Variants in PPP1R9A observed in about 807,000 individuals in gnomAD.
PPP1R9A encodes the protein protein phosphatase 1 regulatory subunit 9A.
In PPP1R9A, 59 loss-of-function variants were observed where a neutral mutation model predicts 141.9. The observed-to-expected ratio is 0.42, with a 90% confidence interval of 0.34 to 0.52. The LOEUF is 0.52. Among genes scored for constraint, PPP1R9A ranks in the 20% least tolerant of loss-of-function variants. PPP1R9A has a pLI of 0.10. For missense variants in PPP1R9A, 1,444 were observed against 1,611.9 expected (o/e 0.90, Z 1.78); for synonymous variants, 500 against 569.7 (o/e 0.88, Z 1.74).
rs1390412478 is a variant in PPP1R9A, at chr7:95,010,267, G to A, written c.1395+98759G>A. Among the ~76,000 whole-genome samples the A allele has an allele frequency of 3.1e-4, 47 of 152,052 alleles. 1 individual carries two copies. The highest frequency in any genetic ancestry group is 3.1e-3 in the Admixed American group (47 of 15,262). On this transcript the variant is annotated intron_variant, in intron 2 of 19. Transcript: ENST00000433360. Reference sequence around the variant, plus strand: ...AATAATAATAAAAATAGCTGGGCATGGTGGCACACACCTGTAGTCCTAGCT... The same window carrying A: ...AATAATAATAAAAATAGCTGGGCATAGTGGCACACACCTGTAGTCCTAGCT...
chr7:95,049,854 A>G (rs1810546500), intron 2 of PPP1R9A, among the ~76,000 whole-genome samples: 1 of 152,024 alleles, frequency 6.6e-6, no homozygotes, highest in South Asian at 2.1e-4. Flanking sequence ...TTGATAGATC[A>G]TTTCTTTTTA....
At chr7:95,265,848 G>A (rs930030752) in intron 12 of PPP1R9A, among the ~76,000 whole-genome samples, 4 of 152,028 alleles carry the variant, frequency 2.6e-5, no homozygotes, top group African/African-American at 4.8e-5. Context: ...CTTAGGTACC[G>A]GATATAAGGC....
chr7:95,050,656 G>A (rs1810664156), intron 2 of PPP1R9A, among the ~76,000 whole-genome samples: 1 of 152,176 alleles, frequency 6.6e-6, no homozygotes, highest in Non-Finnish European at 1.5e-5. Context: ...AACCTGGGAG[G>A]TGGAGGTTGC....
chr7:95,207,859 C>G (rs901504644), intron 7 of PPP1R9A, among the ~76,000 whole-genome samples: 2 of 152,054 alleles, frequency 1.3e-5, no homozygotes, highest in African/African-American at 4.8e-5. Context: ...TTATAAGTTA[C>G]CATTTACAAG....
intron 5 of PPP1R9A, among the ~76,000 whole-genome samples, chr7:95,173,299 A>G (rs1171795089): frequency 6.6e-6 from 1 of 151,954 alleles, no homozygotes; most frequent in Non-Finnish European, 1.5e-5. Flanking sequence ...CTGGAGGAGG[A>G]TGAATGTTGA....
intron 4 of PPP1R9A, among the ~76,000 whole-genome samples, chr7:95,134,900 G>A (rs971048277): frequency 6.6e-6 from 1 of 152,004 alleles, no homozygotes; most frequent in Non-Finnish European, 1.5e-5. Context: ...TCTTTGTGAG[G>A]GTCATATTGC....
chr7:94,998,497 C>T (rs779005295), intron 2 of PPP1R9A, among the ~76,000 whole-genome samples: 6 of 152,004 alleles, frequency 3.9e-5, no homozygotes, highest in Non-Finnish European at 7.4e-5. Context: ...TTTTCTTAGT[C>T]AGCTTGATTT....
intron 6 of PPP1R9A, 134 bp from the exon 7 acceptor site, chr7:95,203,531 C>T (rs1020479359): frequency 9.2e-6 from 5 of 543,892 alleles, no homozygotes; most frequent in Admixed American, 3.8e-5. Context: ...TACCAACATG[C>T]CGCAATATTG....
At chr7:94,908,709 T>C (rs1014535503) in intron 1 of PPP1R9A, 2 of 149,530 alleles carry the variant, frequency 1.3e-5, no homozygotes, top group Non-Finnish European at 3.0e-5. Context: ...GAATGGGGGG[T>C]GTGTGTAGGG....
chr7:95,265,607 G>A (rs1801177018), intron 12 of PPP1R9A, among the ~76,000 whole-genome samples: 2 of 152,182 alleles, frequency 1.3e-5, no homozygotes, highest in African/African-American at 2.4e-5. Context: ...AGTGTCTTTG[G>A]TAGGTGCTTC....
intron 2 of PPP1R9A, among the ~76,000 whole-genome samples, chr7:94,985,926 A>G (rs547008002): frequency 7.9e-5 from 12 of 152,348 alleles, no homozygotes; most frequent in African/African-American, 2.9e-4. Context: ...TGAGATATTT[A>G]TCTTGAGGAA....
intron 2 of PPP1R9A, among the ~76,000 whole-genome samples, chr7:95,102,057 G>A (rs1300037660): frequency 6.6e-6 from 1 of 152,076 alleles, no homozygotes; most frequent in Non-Finnish European, 1.5e-5. Flanking sequence ...CAGCTGCCTT[G>A]CTGACCTATA....
intron 4 of PPP1R9A, among the ~76,000 whole-genome samples, chr7:95,144,742 C>T (rs1039107697): frequency 6.6e-6 from 1 of 152,000 alleles, no homozygotes; most frequent in African/African-American, 2.4e-5. Context: ...AATAATTAGA[C>T]AAGAAAAAGA....
At chr7:95,039,775 A>G (rs1370258529) in intron 2 of PPP1R9A, among the ~76,000 whole-genome samples, 1 of 152,162 alleles carries the variant, frequency 6.6e-6, no homozygotes, top group Admixed American at 6.5e-5. Flanking sequence ...CTGTGGATCA[A>G]TTTTTAAAGG....
intron 4 of PPP1R9A, among the ~76,000 whole-genome samples, chr7:95,158,113 A>G (rs900610401): frequency 2.6e-5 from 4 of 152,236 alleles, no homozygotes; most frequent in Admixed American, 2.6e-4. Context: ...GCATTGATGC[A>G]AGGATAAACA....
At chr7:95,061,676 T>C (rs981887315) in intron 2 of PPP1R9A, among the ~76,000 whole-genome samples, 11 of 152,066 alleles carry the variant, frequency 7.2e-5, no homozygotes, top group Admixed American at 7.2e-4. Context: ...GTCATGGCTG[T>C]AGTGGGCCAT....
intron 5 of PPP1R9A, among the ~76,000 whole-genome samples, chr7:95,180,310 A>G (rs1416859740): frequency 1.3e-5 from 2 of 152,110 alleles, no homozygotes; most frequent in East Asian, 3.9e-4. Flanking sequence ...GCTGGGATAC[A>G]GATTGGCTAG....
At chr7:95,216,788 G>T (rs1793511842) in intron 7 of PPP1R9A, among the ~76,000 whole-genome samples, 1 of 152,160 alleles carries the variant, frequency 6.6e-6, no homozygotes, top group Non-Finnish European at 1.5e-5. Context: ...TGGTGTATAA[G>T]AATGCTTGTG....
chr7:95,167,437 C>T (rs1289311635), intron 5 of PPP1R9A, among the ~76,000 whole-genome samples: 3 of 152,116 alleles, frequency 2.0e-5, no homozygotes, highest in East Asian at 1.9e-4. Flanking sequence ...TCACAGCTAA[C>T]ATTGTATTGA....
Sources: allele counts gnomAD v4.1 joint callset (sites outside exome capture counted in the v4.1 genomes callset), GRCh38; gene constraint gnomAD v4.1.1; transcripts MANE v1.5; gene names NCBI Gene and HGNC (gene_info 2026-07-23, HGNC 2026-07-21).